NRXN3: variants seen among roughly 807,000 people sequenced by gnomAD.
NRXN3 encodes neurexin 3, also known as neurexin III.
NRXN3 carries 32 observed loss-of-function variants against 137.6 expected under a neutral mutation model. The observed-to-expected ratio is 0.23, with a 90% CI of 0.18 to 0.31. The LOEUF (loss-of-function observed/expected upper bound fraction) is 0.31. NRXN3 is among the 10% of genes least tolerant of loss of function. NRXN3 has a pLI of 1.00. For synonymous variants in NRXN3, 798 were observed against 784.5 expected, an observed-to-expected ratio of 1.02 and a Z score of -0.29; for missense variants, 1,574 against 2,062.5, an observed-to-expected ratio of 0.76 and a Z score of 4.59.
intron 15 of NRXN3, among the ~76,000 whole-genome samples, chr14:79,376,180 GTATA>G (rs1247842227): frequency 4.5e-5 from 6 of 132,538 alleles, no homozygotes; most frequent in African/African-American, 1.7e-4. Flanking sequence ...ATATATATGA[GTATA>G]TATACATGTG....
intron 15 of NRXN3, among the ~76,000 whole-genome samples, chr14:79,253,284 C>T (rs1161043401): frequency 4.6e-5 from 7 of 152,166 alleles, no homozygotes; most frequent in South Asian, 2.1e-4. Flanking sequence ...AACCACTACT[C>T]GTAGATAGAC....
intron 19 of NRXN3, among the ~76,000 whole-genome samples, chr14:79,713,943 A>G (rs2098814909): frequency 6.6e-6 from 1 of 152,134 alleles, no homozygotes; most frequent in African/African-American, 2.4e-5. Context: ...ACAAAATGTC[A>G]ATCAATATGT....
chr14:79,771,358 T>A (rs1383717827), intron 19 of NRXN3, among the ~76,000 whole-genome samples: 1 of 152,154 alleles, frequency 6.6e-6, no homozygotes, highest in Non-Finnish European at 1.5e-5. Flanking sequence ...TTGATGAACA[T>A]TGATGCAAGA....
At chr14:78,835,356 G>A (rs146441701) in intron 10 of NRXN3, among the ~76,000 whole-genome samples, 2 of 152,260 alleles carry the variant, frequency 1.3e-5, no homozygotes, top group Non-Finnish European at 2.9e-5. Flanking sequence ...GGCTGGTGGC[G>A]GCGGTGGCAG....
intron 15 of NRXN3, among the ~76,000 whole-genome samples, chr14:79,438,877 T>C (rs1477246656): frequency 6.6e-6 from 1 of 152,258 alleles, no homozygotes. Flanking sequence ...ACTTCACTTA[T>C]GCCCGGCTGA....
chr14:79,061,003 T>C (rs559419122), intron 15 of NRXN3, among the ~76,000 whole-genome samples: 1 of 152,280 alleles, frequency 6.6e-6, no homozygotes, highest in East Asian at 1.9e-4. Context: ...GTGTCTATCG[T>C]GGGACATAAT....
At chr14:79,734,866 TA>T in intron 19 of NRXN3, among the ~76,000 whole-genome samples, 1 of 152,274 alleles carries the variant, frequency 6.6e-6, no homozygotes, top group Non-Finnish European at 1.5e-5. Context: ...CCTTTCTGAA[TA>T]AATGCTTGCA....
At chr14:79,748,149 C>A (rs1430316442) in intron 19 of NRXN3, among the ~76,000 whole-genome samples, 1 of 151,788 alleles carries the variant, frequency 6.6e-6, no homozygotes, top group Non-Finnish European at 1.5e-5. Context: ...CACTTGTTTA[C>A]CTACGTAACA....
chr14:79,843,532 A>G (rs565242428), intron 20 of NRXN3, among the ~76,000 whole-genome samples: 2 of 152,288 alleles, frequency 1.3e-5, no homozygotes, highest in East Asian at 1.9e-4. Context: ...ATTTCTCTGT[A>G]GCATGCAATG....
intron 20 of NRXN3, among the ~76,000 whole-genome samples, chr14:79,833,436 TA>T: frequency 1.3e-5 from 2 of 152,262 alleles, no homozygotes; most frequent in Admixed American, 1.3e-4. Context: ...TAGGTATATA[TA>T]ACTCTGGAGT....
At chr14:79,220,165 T>C (rs888422165) in intron 15 of NRXN3, among the ~76,000 whole-genome samples, 1 of 152,218 alleles carries the variant, frequency 6.6e-6, no homozygotes, top group South Asian at 2.1e-4. Context: ...GATCTGCTTT[T>C]CTGTTTAAAG....
At chr14:79,027,850 C>G (rs2099601121) in intron 15 of NRXN3, among the ~76,000 whole-genome samples, 1 of 152,130 alleles carries the variant, frequency 6.6e-6, no homozygotes, top group South Asian at 2.1e-4. Flanking sequence ...TACCCTCTTC[C>G]CCTCTTCCCC....
intron 15 of NRXN3, among the ~76,000 whole-genome samples, chr14:79,046,645 T>C (rs2099633531): frequency 2.0e-5 from 3 of 152,210 alleles, no homozygotes; most frequent in African/African-American, 4.8e-5. Flanking sequence ...CAGTCTTGAC[T>C]CTCAGACTCA....
chr14:78,683,581 T>C (rs1234025970), intron 6 of NRXN3, among the ~76,000 whole-genome samples: 1 of 152,166 alleles, frequency 6.6e-6, no homozygotes, highest in African/African-American at 2.4e-5. Flanking sequence ...TACAGATAAA[T>C]AGGTTATGAC....
intron 16 of NRXN3, among the ~76,000 whole-genome samples, chr14:79,650,598 C>T (rs1485963744): frequency 6.6e-6 from 1 of 152,122 alleles, no homozygotes; most frequent in East Asian, 1.9e-4. Context: ...TTGCCCTATG[C>T]ACCACACCAA....
At chr14:79,404,923 AGT>A (rs2095280298) in intron 15 of NRXN3, among the ~76,000 whole-genome samples, 1 of 152,174 alleles carries the variant, frequency 6.6e-6, no homozygotes, top group African/African-American at 2.4e-5. Context: ...ACACAGATAA[AGT>A]GGGAACAGAG....
At chr14:78,286,185 C>A (rs1235613823) in intron 3 of NRXN3, among the ~76,000 whole-genome samples, 1 of 152,202 alleles carries the variant, frequency 6.6e-6, no homozygotes, top group African/African-American at 2.4e-5. Context: ...TGGTATCCTG[C>A]CCCTGACCCT....
chr14:78,773,887 C>G (rs906850276), intron 8 of NRXN3, among the ~76,000 whole-genome samples: 1 of 152,066 alleles, frequency 6.6e-6, no homozygotes, highest in African/African-American at 2.4e-5. Context: ...CTGCAACCTC[C>G]GCCTCCCGGG....
At chr14:78,366,118 T>A (rs2085904301) in intron 4 of NRXN3, among the ~76,000 whole-genome samples, 1 of 152,222 alleles carries the variant, frequency 6.6e-6, no homozygotes, top group Admixed American at 6.5e-5. Flanking sequence ...CACATAAGGA[T>A]GTTTTGAGAA....
Sources: gnomAD v4.1 joint callset for allele counts (sites outside exome capture counted in the v4.1 genomes callset) on GRCh38, gnomAD v4.1.1 for gene constraint, MANE v1.5 for transcripts, NCBI Gene and HGNC (gene_info 2026-07-23, HGNC 2026-07-21) for gene names.